The following SBF2 variants were observed in gnomAD, a reference collection of about 807,000 sequenced individuals.
SBF2 encodes the protein myotubularin-related protein 13.
SBF2 carries 112 observed loss-of-function variants against 225.2 expected under a neutral mutation model. That is an observed-to-expected ratio of 0.50 (90% CI 0.43 to 0.58). The LOEUF (loss-of-function observed/expected upper bound fraction) is 0.58, where lower values mean the gene tolerates loss of function less well. Ranked by LOEUF, SBF2 falls within the 20% of genes least tolerant of loss-of-function variation. SBF2 has a pLI of 0.00. For synonymous variants in SBF2, 763 were observed against 773.3 expected, an observed-to-expected ratio of 0.99 and a Z score of 0.22; for missense variants, 1,996 against 2,206.2, an observed-to-expected ratio of 0.90 and a Z score of 1.91.
chr11:10,094,685 G>C (rs1020783103), intron 2 of SBF2, among the ~76,000 whole-genome samples: 3 of 151,672 alleles, frequency 2.0e-5, no homozygotes, highest in African/African-American at 7.3e-5. Flanking sequence ...TATTTTTTTA[G>C]TAGAGACGGG....
intron 17 of SBF2, among the ~76,000 whole-genome samples, chr11:9,876,627 T>C (rs377508447): frequency 2.0e-5 from 3 of 152,168 alleles, no homozygotes; most frequent in Non-Finnish European, 4.4e-5. Context: ...TCCCAGAAAG[T>C]GAATTGGCTG....
intron 2 of SBF2, among the ~76,000 whole-genome samples, chr11:10,097,523 T>G (rs1463985494): frequency 6.6e-6 from 1 of 152,068 alleles, no homozygotes; most frequent in African/African-American, 2.4e-5. Flanking sequence ...CCAAAACACA[T>G]TCTTTAAAAA....
chr11:10,122,468 G>C (rs765298579), intron 2 of SBF2, among the ~76,000 whole-genome samples: 5 of 152,100 alleles, frequency 3.3e-5, no homozygotes, highest in Non-Finnish European at 7.3e-5. Flanking sequence ...CTAAAAACTT[G>C]CTTAATATTT....
intron 16 of SBF2, among the ~76,000 whole-genome samples, chr11:9,936,437 G>C (rs1864901844): frequency 6.6e-6 from 1 of 152,174 alleles, no homozygotes. Context: ...ATTTCACCCA[G>C]CAATCCCATT....
chr11:10,174,846 G>C (rs979416677), intron 2 of SBF2, among the ~76,000 whole-genome samples: 21 of 151,270 alleles, frequency 1.4e-4, no homozygotes, highest in African/African-American at 1.2e-4. Context: ...AAGACAGTGG[G>C]GGCCAATATT....
At chr11:10,193,189 ATC>A (rs1400508222) in intron 2 of SBF2, among the ~76,000 whole-genome samples, 2 of 151,964 alleles carry the variant, frequency 1.3e-5, no homozygotes, top group Non-Finnish European at 2.9e-5. Flanking sequence ...TTTTTTATTT[ATC>A]TGTGTTTTTT....
chr11:9,943,306 T>C (rs1320940321), intron 16 of SBF2, among the ~76,000 whole-genome samples: 1 of 152,208 alleles, frequency 6.6e-6, no homozygotes, highest in Non-Finnish European at 1.5e-5. Context: ...AATATTTTTA[T>C]GGCCTCATGA....
At position 9,841,528 on chromosome 11, in the gene SBF2, T is replaced by C. The variant is rs541361864; in HGVS notation, c.3256+1097A>G. Among the ~76,000 whole-genome samples, 200 of 97,164 alleles carry C rather than the reference T, an allele frequency of 2.1e-3. 2 individuals are homozygous for C. Among genetic ancestry groups the C allele is most frequent in the African/African-American group, 7.2e-3 (194 of 26,886 alleles). 63.7% of individuals were successfully genotyped at this position (97,164 alleles called of 152,430 possible). On this transcript the variant is annotated intron_variant, in intron 25 of 39. Coordinates refer to ENST00000256190, the MANE Select transcript of SBF2 (RefSeq NM_030962.4). ...ATGCATACATACATACAAAACCACA[T>C]AGGTTCTTTTTTTTTTTTTTGAGGC...
chr11:10,030,770 T>C (rs1949222158), intron 4 of SBF2, among the ~76,000 whole-genome samples: 1 of 152,200 alleles, frequency 6.6e-6, no homozygotes, highest in Non-Finnish European at 1.5e-5. Flanking sequence ...GGTAATCAAA[T>C]TATTTCTTTA....
At chr11:9,995,844 G>C (rs1247007810) in intron 9 of SBF2, among the ~76,000 whole-genome samples, 2 of 137,098 alleles carry the variant, frequency 1.5e-5, no homozygotes, top group African/African-American at 2.7e-5. Flanking sequence ...TTTTTTGGTA[G>C]AGACGGGGTT....
intron 16 of SBF2, among the ~76,000 whole-genome samples, chr11:9,909,400 G>C (rs938404439): frequency 6.6e-6 from 1 of 151,848 alleles, no homozygotes. Flanking sequence ...GGCTGGGCGC[G>C]GTGGCTTACG....
intron 6 of SBF2, among the ~76,000 whole-genome samples, chr11:10,012,710 T>C (rs1948503668): frequency 6.6e-6 from 1 of 152,224 alleles, no homozygotes; most frequent in Non-Finnish European, 1.5e-5. Flanking sequence ...TGAATGCCTC[T>C]TGCTTTTTGG....
chr11:10,297,366 T>G (rs975686855), upstream of SBF2, among the ~76,000 whole-genome samples: 6 of 152,206 alleles, frequency 3.9e-5, no homozygotes, highest in African/African-American at 1.4e-4. Flanking sequence ...AGACTTCATT[T>G]TCTTGATAAT....
At chr11:10,122,557 G>A (rs1953522113) in intron 2 of SBF2, among the ~76,000 whole-genome samples, 1 of 152,086 alleles carries the variant, frequency 6.6e-6, no homozygotes, top group Non-Finnish European at 1.5e-5. Context: ...CTAAAAGTAG[G>A]CCAAACAAGC....
intron 6 of SBF2, among the ~76,000 whole-genome samples, chr11:10,020,384 T>G (rs78622859): frequency 6.6e-6 from 1 of 152,006 alleles, no homozygotes; most frequent in African/African-American, 2.4e-5. Context: ...GGCCACTGTG[T>G]ATGCAGAGAG....
chr11:9,859,785 C>T (rs765455279), intron 17 of SBF2, among the ~76,000 whole-genome samples: 9 of 152,158 alleles, frequency 5.9e-5, no homozygotes, highest in Non-Finnish European at 1.3e-4. Context: ...GAACTGCATA[C>T]CACGAAATGT....
At chr11:10,190,472 T>C (rs925057902) in intron 2 of SBF2, among the ~76,000 whole-genome samples, 2 of 152,266 alleles carry the variant, frequency 1.3e-5, no homozygotes, top group Non-Finnish European at 2.9e-5. Context: ...TTAAAATCCA[T>C]CCGAATTAAA....
Position 10,073,547 on chromosome 11 carries a change from T to C in SBF2, c.142-30566A>G, listed in dbSNP as rs375373044. On this transcript the variant is annotated intron_variant, in intron 2 of 39. Coordinates refer to ENST00000256190, the MANE Select transcript of SBF2 (RefSeq NM_030962.4). Reference sequence around the variant, plus strand: ...GGCCTACATGGCGAAACACTGTCTGTCTCTACTAATAATACAAAAACTAGC... The same window carrying C: ...GGCCTACATGGCGAAACACTGTCTGCCTCTACTAATAATACAAAAACTAGC... Among the ~76,000 whole-genome samples, 5 of 152,120 alleles carry C rather than the reference T, an allele frequency of 3.3e-5. No homozygotes were observed. The South Asian group carries it at 6.2e-4, about 19-fold the overall frequency.
At chr11:10,239,119 GTGTATA>G (rs1230241574) in intron 1 of SBF2, among the ~76,000 whole-genome samples, 3 of 150,450 alleles carry the variant, frequency 2.0e-5, no homozygotes, top group Non-Finnish European at 4.5e-5. Context: ...GTGTATATGT[GTGTATA>G]TGTATATCTG....
Sources: gnomAD v4.1 joint callset for allele counts (sites outside exome capture counted in the v4.1 genomes callset) on GRCh38, gnomAD v4.1.1 for gene constraint, MANE v1.5 for transcripts, NCBI Gene and HGNC (gene_info 2026-07-23, HGNC 2026-07-21) for gene names.